KLHL29: variants seen among roughly 807,000 people sequenced by gnomAD.
KLHL29 encodes the protein kelch like family member 29.
KLHL29 carries 21 observed loss-of-function variants against 80.4 expected under a neutral mutation model. That is an observed-to-expected ratio of 0.26 (90% CI 0.19 to 0.38). The LOEUF (loss-of-function observed/expected upper bound fraction) is 0.38. Among genes scored for constraint, KLHL29 ranks in the 10% least tolerant of loss-of-function variants. The pLI is 1.00. For missense variants in KLHL29, 867 were observed against 1,223.9 expected (o/e 0.71, Z 4.35); for synonymous variants, 511 against 526.8 (o/e 0.97, Z 0.41).
intron 2 of KLHL29, among the ~76,000 whole-genome samples, chr2:23,525,095 T>C (rs539845040): frequency 7.9e-5 from 12 of 152,340 alleles, no homozygotes; most frequent in African/African-American, 2.9e-4. Flanking sequence ...GGTGCAGCTA[T>C]GGCACTGATG....
chr2:23,410,352 G>A (rs1172315222), intron 1 of KLHL29, among the ~76,000 whole-genome samples: 1 of 151,828 alleles, frequency 6.6e-6, no homozygotes, highest in African/African-American at 2.4e-5. Context: ...TCGAGGGTGG[G>A]AAGTAAAGGA....
intron 5 of KLHL29, among the ~76,000 whole-genome samples, chr2:23,653,044 C>T (rs111324793): frequency 0.029 from 4,452 of 152,286 alleles, 74 homozygotes; most frequent in South Asian, 0.059. Context: ...CAGCCGTGCA[C>T]GCTGAAGCAA....
intron 2 of KLHL29, among the ~76,000 whole-genome samples, chr2:23,511,183 T>C (rs752005609): frequency 6.6e-6 from 1 of 152,144 alleles, no homozygotes; most frequent in Non-Finnish European, 1.5e-5. Context: ...TCTGAGACAC[T>C]GAGTCAAAAT....
At chr2:23,397,437 C>T (rs1572480251) in intron 1 of KLHL29, among the ~76,000 whole-genome samples, 1 of 152,370 alleles carries the variant, frequency 6.6e-6, no homozygotes, top group African/African-American at 2.4e-5. Flanking sequence ...GTGGGGTGGT[C>T]ACTCACTGAC....
At chr2:23,686,109 A>G (rs1177790897) in intron 6 of KLHL29, among the ~76,000 whole-genome samples, 1 of 150,426 alleles carries the variant, frequency 6.6e-6, no homozygotes, top group Non-Finnish European at 1.5e-5. Flanking sequence ...AGGGAGGAAG[A>G]GCATTCCAGG....
chr2:23,665,591 AT>A (rs1225370492), intron 5 of KLHL29, among the ~76,000 whole-genome samples: 2 of 152,188 alleles, frequency 1.3e-5, no homozygotes, highest in African/African-American at 4.8e-5. Context: ...AAAGAGGTTG[AT>A]TTGGCTCACG....
At chr2:23,466,435 C>G (rs575522292) in intron 1 of KLHL29, among the ~76,000 whole-genome samples, 1 of 152,280 alleles carries the variant, frequency 6.6e-6, no homozygotes, top group East Asian at 1.9e-4. Context: ...TTTGCTACTT[C>G]ATTGCTAAAT....
intron 1 of KLHL29, among the ~76,000 whole-genome samples, chr2:23,466,087 A>G (rs1345120609): frequency 6.6e-6 from 1 of 151,566 alleles, no homozygotes; most frequent in African/African-American, 2.4e-5. Context: ...TCTTTAAGGG[A>G]AAAAAAAATC....
At chr2:23,587,934 C>T (rs1163311832) in intron 3 of KLHL29, among the ~76,000 whole-genome samples, 4 of 152,184 alleles carry the variant, frequency 2.6e-5, no homozygotes, top group Non-Finnish European at 4.4e-5. Context: ...GTGCTGGCCT[C>T]GTTGTAACAA....
At chr2:23,576,395 A>G (rs2077184) in intron 3 of KLHL29, among the ~76,000 whole-genome samples, 19,937 of 151,900 alleles carry the variant, frequency 0.13, 2,555 homozygotes, top group African/African-American at 0.29. Flanking sequence ...TGAGCAAAAT[A>G]TATTGTACCC....
chr2:23,597,309 A>ATATGTGTGTG (rs1558402682), intron 3 of KLHL29, among the ~76,000 whole-genome samples: 35 of 100,518 alleles, frequency 3.5e-4, no homozygotes, highest in African/African-American at 1.3e-3. Flanking sequence ...ATATATATAT[A>ATATGTGTGTG]TGTGTGTGTG....
chr2:23,646,594 C>T (rs1669940400), intron 5 of KLHL29, among the ~76,000 whole-genome samples: 1 of 152,154 alleles, frequency 6.6e-6, no homozygotes, highest in African/African-American at 2.4e-5. Context: ...CATGAGGATC[C>T]ATCTACAGGC....
intron 1 of KLHL29, among the ~76,000 whole-genome samples, chr2:23,412,000 G>T (rs1666871290): frequency 6.6e-6 from 1 of 152,128 alleles, no homozygotes; most frequent in South Asian, 2.1e-4. Flanking sequence ...TTGAGAAAAG[G>T]GTGGTGAGAG....
At chr2:23,391,604 T>A (rs923280323) in intron 1 of KLHL29, among the ~76,000 whole-genome samples, 1 of 152,076 alleles carries the variant, frequency 6.6e-6, no homozygotes, top group African/African-American at 2.4e-5. Flanking sequence ...CCCGGCTGAT[T>A]TTGTATTTTT....
chr2:23,643,004 A>C, intron 5 of KLHL29, 154 bp downstream of exon 5: 1 of 907,090 alleles, frequency 1.1e-6, no homozygotes, highest in South Asian at 1.4e-5. Context: ...CCTGCCCAAG[A>C]CAACTGGCCT....
chr2:23,688,466 T>C (rs1671379782), intron 6 of KLHL29, among the ~76,000 whole-genome samples: 1 of 152,220 alleles, frequency 6.6e-6, no homozygotes, highest in Non-Finnish European at 1.5e-5. Flanking sequence ...TCCTGATGTC[T>C]GGAAGGAAGG....
chr2:23,438,753 G>C (rs1663421010), intron 1 of KLHL29, among the ~76,000 whole-genome samples: 1 of 151,978 alleles, frequency 6.6e-6, no homozygotes, highest in Admixed American at 6.6e-5. Context: ...GTTCATCAAG[G>C]ATATTGGTCT....
At chr2:23,573,865 T>A (rs1279548863) in intron 3 of KLHL29, among the ~76,000 whole-genome samples, 2 of 152,150 alleles carry the variant, frequency 1.3e-5, no homozygotes, top group Admixed American at 1.3e-4. Flanking sequence ...CCCCAAGACA[T>A]AGTGCATGGC....
At chr2:23,517,912 G>C (rs1005422885) in intron 2 of KLHL29, among the ~76,000 whole-genome samples, 2 of 152,262 alleles carry the variant, frequency 1.3e-5, no homozygotes, top group East Asian at 1.9e-4. Flanking sequence ...AGTGAAGTAG[G>C]TATTTTTGTT....
Sources: gnomAD v4.1 joint callset for allele counts (sites outside exome capture counted in the v4.1 genomes callset) on GRCh38, gnomAD v4.1.1 for gene constraint, MANE v1.5 for transcripts, NCBI Gene and HGNC (gene_info 2026-07-23, HGNC 2026-07-21) for gene names.